Variants in COXFA4L2 observed in about 807,000 individuals in gnomAD.
COXFA4L2 encodes the protein NADH dehydrogenase (ubiquinone) 1 alpha subcomplex, 4-like 2.
At chr12:57,236,055 C>G in the COXFA4L2 span, 28 of 405,642 alleles carry the variant, frequency 6.9e-5, no homozygotes, top group East Asian at 1.0e-3. Flanking sequence ...ACAACGGGGC[C>G]CAGGGACTCC....
At chr12:57,235,670 G>T in the COXFA4L2 span, 1 of 1,612,608 alleles carries the variant, frequency 6.2e-7, no homozygotes, top group Non-Finnish European at 8.5e-7. Flanking sequence ...GCCTCCCTTT[G>T]CTTCTAGTAC....
chr12:57,238,203 T>C, the COXFA4L2 span, among the ~76,000 whole-genome samples: 8 of 152,058 alleles, frequency 5.3e-5, no homozygotes, highest in Non-Finnish European at 2.9e-5. The surrounding 1 kb of genome is among the most constrained non-coding windows in gnomAD (Gnocchi z 6.8). Flanking sequence ...TCTGGGATCG[T>C]CGGGGTACAG....
the COXFA4L2 span, among the ~76,000 whole-genome samples, chr12:57,238,973 G>C: frequency 1.3e-5 from 2 of 152,218 alleles, no homozygotes; most frequent in Non-Finnish European, 2.9e-5. The surrounding 1 kb of genome is among the most constrained non-coding windows in gnomAD (Gnocchi z 6.8). Context: ...GGACTCCTTG[G>C]GTTCCGGATC....
the COXFA4L2 span, chr12:57,236,160 G>A: frequency 2.3e-4 from 77 of 335,930 alleles, no homozygotes; most frequent in African/African-American, 1.4e-3. Flanking sequence ...GATGTGCCGG[G>A]AATTATAAAG....
chr12:57,236,844 C>T, the COXFA4L2 span, among the ~76,000 whole-genome samples: 1 of 151,634 alleles, frequency 6.6e-6, no homozygotes, highest in African/African-American at 2.4e-5. Flanking sequence ...CCTCACCCTA[C>T]AGCGATCGTG....
the COXFA4L2 span, chr12:57,236,814 A>G: frequency 2.1e-6 from 2 of 938,584 alleles, no homozygotes; most frequent in Non-Finnish European, 3.2e-6. Flanking sequence ...TCCTACAACC[A>G]TATTTCCTGG....
the COXFA4L2 span, chr12:57,235,197 CAG>C: frequency 3.4e-6 from 1 of 290,204 alleles, no homozygotes; most frequent in African/African-American, 2.2e-5. Flanking sequence ...GCTTGGCACT[CAG>C]AGGCCCCTGC....
chr12:57,236,386 G>A, the COXFA4L2 span: 1 of 501,002 alleles, frequency 2.0e-6, no homozygotes, highest in Non-Finnish European at 3.5e-6. Flanking sequence ...CGCATTTCAG[G>A]GCGGGCCAAG....
At chr12:57,235,681 G>C in the COXFA4L2 span, 1 of 1,612,444 alleles carries the variant, frequency 6.2e-7, no homozygotes, top group Non-Finnish European at 8.5e-7. Flanking sequence ...CTTCTAGTAC[G>C]GGAGTTGTGG....
the COXFA4L2 span, chr12:57,235,208 G>T: frequency 3.2e-6 from 1 of 312,108 alleles, no homozygotes; most frequent in South Asian, 5.3e-5. Flanking sequence ...AGAGGCCCCT[G>T]CTTCTTGTTG....
At chr12:57,236,527 G>A in the COXFA4L2 span, 2 of 1,373,066 alleles carry the variant, frequency 1.5e-6, no homozygotes, top group Non-Finnish European at 2.0e-6. Context: ...CCCCACTAGG[G>A]CCGCCTATTT....
the COXFA4L2 span, chr12:57,240,604 T>A: frequency 1.1e-6 from 1 of 943,666 alleles, no homozygotes; most frequent in South Asian, 4.9e-5. Flanking sequence ...TGCGTCACAC[T>A]GTCATTCGGA....
chr12:57,235,471 C>A, the COXFA4L2 span: 1 of 1,385,832 alleles, frequency 7.2e-7, no homozygotes, highest in Non-Finnish European at 1.0e-6. Context: ...ACAGGGTGGC[C>A]GGAGTGATGC....
chr12:57,237,287 G>GC, the COXFA4L2 span: 4 of 1,434,448 alleles, frequency 2.8e-6, no homozygotes, highest in Admixed American at 2.8e-5. Context: ...GAATTGTCTG[G>GC]GAGCCAAGTG....
the COXFA4L2 span, chr12:57,235,747 AC>A: frequency 6.3e-7 from 1 of 1,599,902 alleles, no homozygotes; most frequent in South Asian, 1.1e-5. Flanking sequence ...ATCGAGAGGT[AC>A]CTTGTATTGG....
chr12:57,236,638 G>C, the COXFA4L2 span: 10 of 1,583,782 alleles, frequency 6.3e-6, no homozygotes, highest in Middle Eastern at 1.7e-4. Context: ...GTAAAGCGCA[G>C]CGCTGCCCAT....
At chr12:57,236,373 T>G in the COXFA4L2 span, 1 of 491,558 alleles carries the variant, frequency 2.0e-6, no homozygotes, top group Non-Finnish European at 3.6e-6. Flanking sequence ...GAGGCGCGGG[T>G]TCCGCATTTC....
the COXFA4L2 span, chr12:57,236,593 C>T: frequency 2.5e-6 from 4 of 1,577,642 alleles, no homozygotes; most frequent in South Asian, 1.2e-5. Context: ...GTGCCTTTAC[C>T]AGACGTCGGG....
chr12:57,235,774 C>A, the COXFA4L2 span: 17 of 1,578,806 alleles, frequency 1.1e-5, no homozygotes, highest in South Asian at 1.7e-4. Flanking sequence ...GGGGCTCAGG[C>A]GGTTCCAGGG....
Sources: gnomAD v4.1 joint callset for allele counts (sites outside exome capture counted in the v4.1 genomes callset) on GRCh38, gnomAD v4.1.1 for gene constraint, Gnocchi (gnomAD v3.1) non-coding constraint, MANE v1.5 for transcripts, NCBI Gene and HGNC (gene_info 2026-07-23, HGNC 2026-07-21) for gene names.